MYT1L: variants seen among roughly 807,000 people sequenced by gnomAD.
MYT1L encodes myelin transcription factor 1 like, also known as myelin transcription factor 1-like protein.
Under a neutral mutation model 126.7 loss-of-function variants are expected in MYT1L, and 12 were observed. That is an observed-to-expected ratio of 0.09 (90% CI 0.06 to 0.15). MYT1L has a LOEUF of 0.15. Ranked by LOEUF, MYT1L falls within the 10% of genes least tolerant of loss-of-function variation. The probability of loss-of-function intolerance (pLI) is 1.00; values close to 1 mark genes in which losing one functional copy is unlikely to be tolerated. For synonymous variants in MYT1L, 541 were observed against 604.2 expected (o/e 0.90, Z 1.53); for missense variants, 979 against 1,585.2 (o/e 0.62, Z 6.49).
At chr2:2,238,018 G>C (rs757934141) in intron 2 of MYT1L, among the ~76,000 whole-genome samples, 1 of 152,210 alleles carries the variant, frequency 6.6e-6, no homozygotes, top group African/African-American at 2.4e-5. Flanking sequence ...AGAAAGGCGC[G>C]TTATGATTCC....
At chr2:1,904,011 A>G (rs1285448488) in intron 13 of MYT1L, among the ~76,000 whole-genome samples, 1 of 152,158 alleles carries the variant, frequency 6.6e-6, no homozygotes, top group Non-Finnish European at 1.5e-5. Flanking sequence ...GAGTTTTTAG[A>G]CTTTATACTT....
At chr2:1,883,699 G>A (rs1053084799) in intron 18 of MYT1L, among the ~76,000 whole-genome samples, 1 of 152,150 alleles carries the variant, frequency 6.6e-6, no homozygotes, top group Non-Finnish European at 1.5e-5. Flanking sequence ...AAGCATCGAC[G>A]CGCAAAAGTC....
chr2:2,157,471 G>A (rs78493733), intron 3 of MYT1L, among the ~76,000 whole-genome samples: 2,844 of 152,144 alleles, frequency 0.019, 80 homozygotes, highest in African/African-American at 0.064. Context: ...AGGTGGGAGG[G>A]AGCTGCCATT....
chr2:2,131,604 A>C (rs2082359449), intron 3 of MYT1L, among the ~76,000 whole-genome samples: 2 of 152,306 alleles, frequency 1.3e-5, no homozygotes, highest in South Asian at 4.1e-4. Context: ...GGCTAATAGC[A>C]GACTTTAGCC....
chr2:1,888,775 G>A (rs779045517), intron 16 of MYT1L, among the ~76,000 whole-genome samples: 1 of 152,118 alleles, frequency 6.6e-6, no homozygotes, highest in Non-Finnish European at 1.5e-5. Context: ...TTTATTCAAG[G>A]CTAAACTCTT....
At chr2:1,961,537 C>T (rs2058960355) in intron 8 of MYT1L, among the ~76,000 whole-genome samples, 1 of 152,316 alleles carries the variant, frequency 6.6e-6, no homozygotes, top group South Asian at 2.1e-4. Flanking sequence ...GTGCATAAGA[C>T]GCGTGTGCTG....
At chr2:1,827,594 G>A (rs62117647) in intron 21 of MYT1L, 19,074 of 152,154 alleles carry the variant, frequency 0.13, 1,296 homozygotes, top group African/African-American at 0.19. Flanking sequence ...TCTACGGCAG[G>A]GATCAGCATT....
At chr2:2,243,250 C>T (rs1331600112) in intron 2 of MYT1L, among the ~76,000 whole-genome samples, 2 of 152,206 alleles carry the variant, frequency 1.3e-5, no homozygotes, top group Admixed American at 1.3e-4. Flanking sequence ...AAGGTTTGGA[C>T]AGGCATGTCC....
chr2:2,131,903 T>A (rs571979616), intron 3 of MYT1L, among the ~76,000 whole-genome samples: 2 of 139,608 alleles, frequency 1.4e-5, no homozygotes, highest in East Asian at 2.3e-4. Context: ...AGAGAGTTCA[T>A]CCTTTTTTTT....
rs1352016140 is a variant in MYT1L at position 1,792,011 on chromosome 2, C to T, written c.3421-4G>A. The T allele has an allele frequency of 2.5e-6, 4 of 1,576,206 alleles. No individual in the cohort carries two copies. Among genetic ancestry groups the T allele is most frequent in the Non-Finnish European group, 2.6e-6 (3 of 1,161,886 alleles). Reference sequence around the variant, plus strand: ...AATTTTGTTCATTGATTGGATCCTACGAGATATTAAATAGTAGTTCATATA... The same window carrying T: ...AATTTTGTTCATTGATTGGATCCTATGAGATATTAAATAGTAGTTCATATA... On this transcript the variant is annotated splice_polypyrimidine_tract_variant and splice_region_variant and intron_variant, in intron 24 of 24. Transcript: ENST00000647738.
intron 1 of MYT1L, among the ~76,000 whole-genome samples, chr2:2,303,065 T>C (rs964430946): frequency 6.6e-6 from 1 of 152,104 alleles, no homozygotes. Flanking sequence ...AGGTTAAAAA[T>C]GGGAAAAAAA....
At chr2:2,199,773 G>T (rs556533665) in intron 2 of MYT1L, among the ~76,000 whole-genome samples, 54 of 152,252 alleles carry the variant, frequency 3.5e-4, no homozygotes, top group African/African-American at 1.0e-3. Flanking sequence ...TCCTCCAAGG[G>T]ACTGTTCAAC....
intron 9 of MYT1L, among the ~76,000 whole-genome samples, chr2:1,925,383 C>G (rs1327457371): frequency 6.6e-6 from 1 of 152,190 alleles, no homozygotes; most frequent in South Asian, 2.1e-4. Context: ...CCTCACCTTC[C>G]TACAAATGTG....
intron 22 of MYT1L, among the ~76,000 whole-genome samples, chr2:1,808,104 G>A (rs1218172291): frequency 6.6e-6 from 1 of 152,226 alleles, no homozygotes; most frequent in African/African-American, 2.4e-5. Context: ...CCCCAGCCAT[G>A]TGGAGCTGTG....
At chr2:1,860,275 G>A (rs1039427653) in intron 18 of MYT1L, among the ~76,000 whole-genome samples, 4 of 152,160 alleles carry the variant, frequency 2.6e-5, no homozygotes, top group Admixed American at 6.5e-5. Flanking sequence ...TGGGGCCGCC[G>A]GAGCCAGTAT....
chr2:2,037,862 A>G (rs1406868791), intron 4 of MYT1L, among the ~76,000 whole-genome samples: 1 of 152,166 alleles, frequency 6.6e-6, no homozygotes, highest in Non-Finnish European at 1.5e-5. Flanking sequence ...GTTTTTCAAA[A>G]TATACAGTTT....
At position 1,934,706 on chromosome 2, in the gene MYT1L, CT is replaced by C. The variant is rs148765756; in HGVS notation, c.505+8275del. ...TTCTCTCTTTCTCTCTCTCTTCCCC[CT>C]ACCCCCTGTCTCTGTCATGTACACA... On this transcript the variant is annotated intron_variant, in intron 9 of 24. Transcript: ENST00000647738. Among the ~76,000 whole-genome samples, 257 of 149,858 alleles carry C rather than the reference CT, an allele frequency of 1.7e-3. 1 individual carries two copies. Among genetic ancestry groups the C allele is most frequent in the African/African-American group, 6.0e-3 (241 of 40,376 alleles).
chr2:1,957,317 G>A (rs912455805), intron 8 of MYT1L, among the ~76,000 whole-genome samples: 5 of 152,060 alleles, frequency 3.3e-5, no homozygotes, highest in South Asian at 2.1e-4. Flanking sequence ...TTTTGGTTAC[G>A]TGCATTAAGT....
At chr2:2,111,773 A>C (rs1321802051) in intron 3 of MYT1L, among the ~76,000 whole-genome samples, 1 of 152,234 alleles carries the variant, frequency 6.6e-6, no homozygotes, top group Non-Finnish European at 1.5e-5. Flanking sequence ...CAGGAAAAAA[A>C]GGACGAAGAC....
Sources: allele counts gnomAD v4.1 joint callset (sites outside exome capture counted in the v4.1 genomes callset), GRCh38; gene constraint gnomAD v4.1.1; transcripts MANE v1.5; gene names NCBI Gene and HGNC (gene_info 2026-07-23, HGNC 2026-07-21).